Variants in ZFAND3 observed in about 807,000 individuals in gnomAD.
ZFAND3 encodes the protein AN1-type zinc finger protein 3.
A neutral mutation model predicts 29.6 loss-of-function variants in ZFAND3; 10 were observed. The observed-to-expected ratio is 0.34, with a 90% CI of 0.21 to 0.57. ZFAND3 has a LOEUF of 0.57. Ranked by LOEUF, ZFAND3 falls within the 20% of genes least tolerant of loss-of-function variation. ZFAND3 has a pLI of 0.86. For synonymous variants in ZFAND3, 128 were observed against 112.6 expected, an observed-to-expected ratio of 1.14 and a Z score of -0.87; for missense variants, 230 against 304.5, an observed-to-expected ratio of 0.76 and a Z score of 1.82.
At chr6:38,062,315 A>G (rs1373906432) in intron 3 of ZFAND3, 27 of 152,272 alleles carry the variant, frequency 1.8e-4, no homozygotes, top group Admixed American at 1.7e-3. Flanking sequence ...GAAGGAGGAG[A>G]TGGTATTACT....
chr6:37,948,690 T>C (rs907880582), intron 2 of ZFAND3, among the ~76,000 whole-genome samples: 3 of 152,234 alleles, frequency 2.0e-5, no homozygotes, highest in Admixed American at 6.5e-5. Flanking sequence ...CTTCCACTTA[T>C]AAGTGAGAAC....
chr6:37,864,738 TAC>T (rs70977698), intron 1 of ZFAND3, among the ~76,000 whole-genome samples: 10,526 of 148,780 alleles, frequency 0.071, 393 homozygotes, highest in Middle Eastern at 0.1. Flanking sequence ...TATGTGGTTA[TAC>T]ACACACACAC....
intron 1 of ZFAND3, among the ~76,000 whole-genome samples, chr6:37,916,134 G>T (rs1431220494): frequency 2.0e-5 from 3 of 151,276 alleles, no homozygotes; most frequent in African/African-American, 7.3e-5. Flanking sequence ...ATAGTTTATG[G>T]TGTCCCAAAA....
At chr6:37,880,539 C>A (rs192338386) in intron 1 of ZFAND3, among the ~76,000 whole-genome samples, 11 of 152,056 alleles carry the variant, frequency 7.2e-5, no homozygotes, top group Admixed American at 3.9e-4. Flanking sequence ...TGAGATACCC[C>A]CTCTGAACCA....
intron 1 of ZFAND3, among the ~76,000 whole-genome samples, chr6:37,918,867 CATTCTCAGTTTA>C (rs911903798): frequency 1.3e-4 from 20 of 151,200 alleles, no homozygotes; most frequent in African/African-American, 4.9e-4. Context: ...TTAAATTTGT[CATTCTCAGTTTA>C]ATTCTCAGAT....
chr6:37,856,389 G>T (rs903998004), intron 1 of ZFAND3, among the ~76,000 whole-genome samples: 2 of 152,078 alleles, frequency 1.3e-5, no homozygotes, highest in Non-Finnish European at 2.9e-5. Flanking sequence ...TCTCTTTTCT[G>T]CTAACCTGAT....
chr6:37,902,596 T>G (rs1184535661), intron 1 of ZFAND3, among the ~76,000 whole-genome samples: 1 of 152,202 alleles, frequency 6.6e-6, no homozygotes, highest in African/African-American at 2.4e-5. Flanking sequence ...CCCTTCTAGT[T>G]CTTGTCTGTT....
chr6:37,871,571 A>G (rs1764695763), intron 1 of ZFAND3, among the ~76,000 whole-genome samples: 1 of 152,198 alleles, frequency 6.6e-6, no homozygotes, highest in African/African-American at 2.4e-5. Context: ...ATTCCTTGAT[A>G]GTATTGTATC....
At chr6:38,012,037 A>T (rs1484412330) in intron 2 of ZFAND3, among the ~76,000 whole-genome samples, 1 of 152,214 alleles carries the variant, frequency 6.6e-6, no homozygotes, top group Non-Finnish European at 1.5e-5. Flanking sequence ...ATTCTGTAAT[A>T]GTATTCAGAA....
chr6:37,848,916 C>T (rs1441635726), intron 1 of ZFAND3, among the ~76,000 whole-genome samples: 1 of 151,646 alleles, frequency 6.6e-6, no homozygotes, highest in African/African-American at 2.4e-5. Context: ...CTTTAAACTT[C>T]TATTTTGTAT....
chr6:37,939,892 T>C (rs1245107871), intron 2 of ZFAND3, among the ~76,000 whole-genome samples: 1 of 151,994 alleles, frequency 6.6e-6, no homozygotes, highest in South Asian at 2.1e-4. Flanking sequence ...ATATAAAAAT[T>C]AGCTGGGAGT....
At position 38,144,231 on chromosome 6, in the gene ZFAND3, ATTT is replaced by A. The variant is rs67159019; in HGVS notation, c.530-7996_530-7994del. Among the ~76,000 whole-genome samples the A allele has an allele frequency of 3.7e-3, 277 of 75,272 alleles. 2 individuals are homozygous for A. The highest frequency in any genetic ancestry group is 5.7e-3 in the Non-Finnish European group (186 of 32,690). The allele number at this position is 75,272 out of a possible 152,430, so 49.4% of individuals were successfully genotyped here. A position where few individuals can be genotyped will look rare whatever the true frequency, so the allele number is the denominator to read the frequency against. ...TATATAATATATAATATATATATAT[ATTT>A]TTTTTTTAATAAGGTTGCTTGATCA... On this transcript the variant is annotated intron_variant, in intron 5 of 5. Coordinates refer to ENST00000287218, the MANE Select transcript of ZFAND3 (RefSeq NM_021943.3).
intron 5 of ZFAND3, among the ~76,000 whole-genome samples, chr6:38,131,730 C>G (rs1765746240): frequency 6.6e-6 from 1 of 152,216 alleles, no homozygotes; most frequent in South Asian, 2.1e-4. Flanking sequence ...CTTCCCACAG[C>G]CCCTATTGGA....
chr6:37,820,236 G>C (rs1763638142), intron 1 of ZFAND3, among the ~76,000 whole-genome samples: 1 of 152,112 alleles, frequency 6.6e-6, no homozygotes, highest in African/African-American at 2.4e-5. Context: ...GCTACCCTTT[G>C]GGACTCGCCG....
chr6:38,056,569 G>T (rs1244022337), intron 2 of ZFAND3, among the ~76,000 whole-genome samples: 1 of 152,140 alleles, frequency 6.6e-6, no homozygotes, highest in African/African-American at 2.4e-5. Context: ...TAGAGAGACT[G>T]CCCAGGTTAA....
At chr6:38,063,040 G>C (rs182703153) in intron 3 of ZFAND3, among the ~76,000 whole-genome samples, 380 of 150,122 alleles carry the variant, frequency 2.5e-3, no homozygotes, top group Non-Finnish European at 4.2e-3. Context: ...AGTGGACTGT[G>C]GTCTTAACCA....
chr6:37,889,039 A>G (rs1258335375), intron 1 of ZFAND3, among the ~76,000 whole-genome samples: 9 of 152,186 alleles, frequency 5.9e-5, no homozygotes, highest in Admixed American at 3.9e-4. Context: ...CATAAACTAC[A>G]CAATTATTAT....
At chr6:37,914,662 C>CTTTT (rs1327923079) in intron 1 of ZFAND3, among the ~76,000 whole-genome samples, 51 of 62,498 alleles carry the variant, frequency 8.2e-4, no homozygotes, top group African/African-American at 3.0e-3. Flanking sequence ...TTCTTTCTTT[C>CTTTT]TTTTTTTTTC....
At chr6:38,124,512 C>T (rs1436988972) in intron 5 of ZFAND3, among the ~76,000 whole-genome samples, 1 of 152,186 alleles carries the variant, frequency 6.6e-6, no homozygotes, top group Non-Finnish European at 1.5e-5. Flanking sequence ...GGTGAGAAAT[C>T]GAGCGCAGTG....
Sources: gnomAD v4.1 joint callset for allele counts (sites outside exome capture counted in the v4.1 genomes callset) on GRCh38, gnomAD v4.1.1 for gene constraint, MANE v1.5 for transcripts, NCBI Gene and HGNC (gene_info 2026-07-23, HGNC 2026-07-21) for gene names.